NADK2: variants seen among roughly 807,000 people sequenced by gnomAD.
The protein encoded by NADK2 is NAD kinase domain-containing protein 1, mitochondrial.
A neutral mutation model predicts 62.1 loss-of-function variants in NADK2; 35 were observed. The ratio of observed to expected loss-of-function variants is 0.56; its 90% CI spans 0.43 to 0.75. The LOEUF (loss-of-function observed/expected upper bound fraction) is 0.75. NADK2 is among the 30% of genes least tolerant of loss of function. The pLI, the probability that NADK2 is intolerant of heterozygous loss-of-function variation, is 0.00. For synonymous variants in NADK2, 205 were observed against 207.9 expected, an observed-to-expected ratio of 0.99 and a Z score of 0.12; for missense variants, 439 against 561.3, an observed-to-expected ratio of 0.78 and a Z score of 2.20.
intron 4 of NADK2, 115 bp downstream of exon 4, chr5:36,225,427 C>T (rs1023088651): frequency 6.5e-6 from 5 of 774,786 alleles, no homozygotes; most frequent in Non-Finnish European, 8.3e-6. Flanking sequence ...AATTTTAAGA[C>T]AGACCATAAA....
intron 1 of NADK2, among the ~76,000 whole-genome samples, chr5:36,238,585 G>A (rs1579644873): frequency 6.6e-6 from 1 of 152,116 alleles, no homozygotes. Flanking sequence ...TCCTTTCCAA[G>A]TCAGTTTTGT....
intron 4 of NADK2, chr5:36,221,394 C>T (rs1747262533): frequency 6.6e-6 from 1 of 152,394 alleles, no homozygotes; most frequent in Non-Finnish European, 1.5e-5. Flanking sequence ...CTCCTGAACT[C>T]CGACATGCAC....
intron 5 of NADK2, 54 bp from the exon 6 acceptor site, chr5:36,217,938 T>C (rs1050851328): frequency 1.4e-5 from 21 of 1,495,358 alleles, no homozygotes; most frequent in Middle Eastern, 1.8e-4. Flanking sequence ...AATTAAAGAG[T>C]AGACATTATA....
intron 1 of NADK2, among the ~76,000 whole-genome samples, chr5:36,229,425 T>C (rs1393391304): frequency 2.6e-5 from 4 of 152,194 alleles, no homozygotes; most frequent in African/African-American, 7.2e-5. Context: ...AAATCCTTCA[T>C]TTAATTTAAT....
At chr5:36,211,783 T>C (rs553255699) in intron 7 of NADK2, 61 bp downstream of exon 7, 22 of 1,391,962 alleles carry the variant, frequency 1.6e-5, no homozygotes, top group Non-Finnish European at 2.0e-5. Flanking sequence ...AGAAACTGAA[T>C]AAATATCCAA....
rs201794267 is a variant in NADK2 at position 36,235,888 on chromosome 5, T to A, written c.300+5611A>T. 2.7e-3 allele frequency among the ~76,000 whole-genome samples: 43 copies of A among 15,654 alleles called. 1 individual carries two copies. The highest frequency in any genetic ancestry group is 0.014 in the South Asian group (5 of 360). The allele number at this position is 15,654 out of a possible 152,430, so 10.3% of individuals were successfully genotyped here. A position where few individuals can be genotyped will look rare whatever the true frequency, so the allele number is the denominator to read the frequency against. On this transcript the variant is annotated intron_variant, in intron 1 of 11. Transcript: ENST00000381937. Reference sequence around the variant, plus strand: ...ATCTAGTGGTTTATTATGAAGAAAATATATATATATATATATATAAAAAAT... The same window carrying A: ...ATCTAGTGGTTTATTATGAAGAAAAAATATATATATATATATATAAAAAAT...
At chr5:36,196,943 G>A (rs1335512361) in intron 11 of NADK2, among the ~76,000 whole-genome samples, 1 of 151,934 alleles carries the variant, frequency 6.6e-6, no homozygotes, top group Non-Finnish European at 1.5e-5. Flanking sequence ...AATTGCTTAA[G>A]CTGTTTTCTG....
chr5:36,208,624 C>T, intron 7 of NADK2: 1 of 1,525,878 alleles, frequency 6.6e-7, no homozygotes, highest in Non-Finnish European at 8.8e-7. Flanking sequence ...ATAAAACTCA[C>T]AGTCCCTTTA....
rs1056408590 is a variant in NADK2 at position 36,232,853 on chromosome 5, G to A, written c.301-5288C>T. Among the ~76,000 whole-genome samples, 5 of 152,090 alleles carry A rather than the reference G, an allele frequency of 3.3e-5. No homozygotes were observed. In the South Asian group the frequency reaches 6.2e-4, roughly 19 times the overall value. ...CTTGAAATCTATACTGTTAGTCCAC[G>A]TCTCTTGATCTACAGCCTTGAATTT... is the stretch of plus-strand genomic sequence containing the variant. On this transcript the variant is annotated intron_variant, in intron 1 of 11. Coordinates refer to ENST00000381937, the MANE Select transcript of NADK2 (RefSeq NM_001085411.3).
rs949688206 is a variant in NADK2 at position 36,194,174 on chromosome 5, T to C, written c.*970A>G. ...TATCCTAAAAGCTATTCTGTAAATC[T>C]TGGAATATAAGCTAGGTGAAAACCA... On this transcript the variant is annotated 3_prime_UTR_variant, in exon 12 of 12. Coordinates refer to ENST00000381937, the MANE Select transcript of NADK2 (RefSeq NM_001085411.3). 2.6e-5 allele frequency: 4 copies of C among 152,120 alleles called. No homozygotes were observed. Among genetic ancestry groups the C allele is most frequent in the African/African-American group, 7.2e-5 (3 of 41,420 alleles). 9.4% of individuals were successfully genotyped at this position (152,120 alleles called of 1,614,324 possible).
At chr5:36,242,046 G>A, upstream of NADK2, 1 of 216,500 alleles carries the variant, frequency 4.6e-6, no homozygotes, top group Non-Finnish European at 9.1e-6. Flanking sequence ...GGGAAGAAAT[G>A]GAGGCCCCAG....
Position 36,201,273 on chromosome 5 carries a change from C to A in NADK2, c.957-112G>T, listed in dbSNP as rs1219324814. 5.4e-6 allele frequency: 5 copies of A among 919,338 alleles called. No individual in the cohort carries two copies. The East Asian group carries it at 1.3e-4, about 24-fold the overall frequency. The allele number at this position is 919,338 out of a possible 1,614,324, so 56.9% of individuals were successfully genotyped here. A position where few individuals can be genotyped will look rare whatever the true frequency, so the allele number is the denominator to read the frequency against. Reference sequence around the variant, plus strand: ...AATTCTTAGAAATTAGGAGGAAGTTCTAAATGAACAAAGTTAAAAACTGGT... The same window carrying A: ...AATTCTTAGAAATTAGGAGGAAGTTATAAATGAACAAAGTTAAAAACTGGT... On this transcript the variant is annotated intron_variant, in intron 8 of 11. Coordinates refer to ENST00000381937, the MANE Select transcript of NADK2 (RefSeq NM_001085411.3).
intron 8 of NADK2, among the ~76,000 whole-genome samples, chr5:36,203,874 CTT>C (rs1331163806): frequency 1.3e-5 from 2 of 152,112 alleles, no homozygotes; most frequent in Admixed American, 1.3e-4. Flanking sequence ...AACGTAGTGA[CTT>C]TTCTTTCAAC....
At chr5:36,220,347 G>A (rs534619815) in intron 4 of NADK2, among the ~76,000 whole-genome samples, 2 of 152,150 alleles carry the variant, frequency 1.3e-5, no homozygotes, top group African/African-American at 2.4e-5. Context: ...TTATAAGGTG[G>A]TAAGATTGCC....
At chr5:36,200,304 A>G (rs1197855632) in intron 9 of NADK2, 24 bp from the exon 10 acceptor site, 2 of 1,534,212 alleles carry the variant, frequency 1.3e-6, no homozygotes, top group Non-Finnish European at 1.8e-6. Flanking sequence ...AAAGGGGGAA[A>G]ATGTATGTTA....
At chr5:36,200,564 T>C (rs1288440353) in intron 9 of NADK2, among the ~76,000 whole-genome samples, 1 of 152,014 alleles carries the variant, frequency 6.6e-6, no homozygotes, top group Non-Finnish European at 1.5e-5. Context: ...ACAAAAATAT[T>C]ACATGGAAAA....
Position 36,195,044 on chromosome 5 carries a change from G to T in NADK2, c.*100C>A. 1 of 1,306,612 alleles carries T rather than the reference G, an allele frequency of 7.7e-7. No individual in the cohort carries two copies. Among genetic ancestry groups the T allele is most frequent in the Non-Finnish European group, 1.0e-6 (1 of 955,088 alleles). The allele number at this position is 1,306,612 out of a possible 1,614,324, so 80.9% of individuals were successfully genotyped here. ...TCACTTCTGAGCCCACGGGCAAGCA[G>T]TCTCAACAATAACCAAAAAATGTCA... On this transcript the variant is annotated 3_prime_UTR_variant, in exon 12 of 12. Coordinates refer to ENST00000381937, the MANE Select transcript of NADK2 (RefSeq NM_001085411.3).
Position 36,241,744 on chromosome 5 carries a change from G to C in NADK2, c.55C>G (p.Arg19Gly). 12 of 1,297,558 alleles carry C rather than the reference G, an allele frequency of 9.2e-6. No homozygotes were observed. The highest frequency in any genetic ancestry group is 3.0e-4 in the Middle Eastern group (1 of 3,316). 80.4% of individuals were successfully genotyped at this position (1,297,558 alleles called of 1,614,324 possible). ...CCCGGTCCCCGCAGCGCCGCCGCCC[G>C]GCCGCCCGCCACGCGACAACAGCTG... Reference protein sequence around the residue: ...LGSCCRVAGGRAAALRGPGAG... With the variant: ...LGSCCRVAGGGAAALRGPGAG... The change falls in exon 1 of 12, where the codon CGG (arginine) becomes GGG (glycine). Residue 19 changes from arginine (R) to glycine (G), a missense_variant. Physicochemically the swap from Arg to Gly is moderately radical, Grantham distance 125 (BLOSUM62 -2). Transcript: ENST00000381937. This position sits in a 1 kb window ranked among gnomAD's most constrained non-coding sequence, Gnocchi z 4.9.
At chr5:36,201,512 C>T (rs1466018536) in intron 8 of NADK2, among the ~76,000 whole-genome samples, 1 of 151,840 alleles carries the variant, frequency 6.6e-6, no homozygotes, top group Non-Finnish European at 1.5e-5. Flanking sequence ...AGCAAAACAA[C>T]TCAAATAGGT....
Sources: gnomAD v4.1 joint callset for allele counts (sites outside exome capture counted in the v4.1 genomes callset) on GRCh38, gnomAD v4.1.1 for gene constraint, Gnocchi (gnomAD v3.1) non-coding constraint, MANE v1.5 for transcripts, NCBI Gene and HGNC (gene_info 2026-07-23, HGNC 2026-07-21) for gene names.